The following SFXN5 variants were observed in gnomAD, a reference collection of about 807,000 sequenced individuals.
SFXN5 encodes the protein sideroflexin-5.
SFXN5 carries 43 observed loss-of-function variants against 50.2 expected under a neutral mutation model. That is an observed-to-expected ratio of 0.86 (90% CI 0.67 to 1.11). SFXN5 has a LOEUF of 1.11. Ranked by LOEUF, SFXN5 falls within the 50% of genes least tolerant of loss-of-function variation. The pLI, the probability that SFXN5 is intolerant of heterozygous loss-of-function variation, is 0.00. For synonymous variants in SFXN5, 203 were observed against 185.8 expected, an observed-to-expected ratio of 1.09 and a Z score of -0.75; for missense variants, 463 against 454.1, an observed-to-expected ratio of 1.02 and a Z score of -0.18.
chr2:73,029,939 G>A lies in SFXN5; in HGVS notation c.250-6725C>T, dbSNP rs113646589. Among the ~76,000 whole-genome samples the A allele has an allele frequency of 1.9e-3, 293 of 152,152 alleles. 2 individuals are homozygous for A. The highest frequency in any genetic ancestry group is 5.5e-3 in the African/African-American group (229 of 41,518). On this transcript the variant is annotated intron_variant, in intron 3 of 13. Transcript: ENST00000272433. ...ATACAAAAATTAGCCAGGCGCAGTG[G>A]TGCACACCTGTAGTCCCAGCTACTT...
Position 73,020,821 on chromosome 2 carries a change from G to C in SFXN5, c.332-557C>G, listed in dbSNP as rs563314364. ...CCCCAGTGGCGCAGTAGGGAGCTGG[G>C]GTGAAGCGCAGCCAGGCTGTGAGTA... is the stretch of plus-strand genomic sequence containing the variant. On this transcript the variant is annotated intron_variant, in intron 5 of 13. Transcript: ENST00000272433. The C allele has an allele frequency of 8.5e-5, 13 of 152,514 alleles. No homozygotes were observed. The East Asian group carries it at 2.5e-3, about 29-fold the overall frequency. 9.4% of individuals were successfully genotyped at this position (152,514 alleles called of 1,614,324 possible).
intron 13 of SFXN5, among the ~76,000 whole-genome samples, chr2:72,951,938 AG>A (rs1297369175): frequency 6.6e-6 from 1 of 152,210 alleles, no homozygotes; most frequent in Non-Finnish European, 1.5e-5. Flanking sequence ...CTTTCTCACC[AG>A]GGCTGGGCAG....
intron 9 of SFXN5, among the ~76,000 whole-genome samples, chr2:72,988,837 C>G (rs1672230933): frequency 6.6e-6 from 1 of 152,098 alleles, no homozygotes; most frequent in African/African-American, 2.4e-5. Flanking sequence ...AGGGAGACCC[C>G]GACACCTGCC....
rs1342992690 is a variant in SFXN5 at position 72,942,860 on chromosome 2, A to C, written c.*2162T>G. 2.1e-5 allele frequency: 3 copies of C among 139,740 alleles called. No homozygotes were observed. Among genetic ancestry groups the C allele is most frequent in the African/African-American group, 2.6e-5 (1 of 38,372 alleles). The allele number at this position is 139,740 out of a possible 1,614,324, so 8.7% of individuals were successfully genotyped here. ...GGCCTCTGGCAGGGGGAGGGCGGGA[A>C]GGGGTGGGTAGGCAGTTTTGGTCCC... On this transcript the variant is annotated 3_prime_UTR_variant, in exon 14 of 14. Coordinates refer to ENST00000272433, the MANE Select transcript of SFXN5 (RefSeq NM_144579.3).
At chr2:73,060,402 C>A (rs538243203) in intron 1 of SFXN5, among the ~76,000 whole-genome samples, 1 of 152,114 alleles carries the variant, frequency 6.6e-6, no homozygotes, top group South Asian at 2.1e-4. Context: ...ACAACACAAA[C>A]CCACACTGAC....
At chr2:72,977,113 C>T (rs1389144521) in intron 10 of SFXN5, among the ~76,000 whole-genome samples, 1 of 152,204 alleles carries the variant, frequency 6.6e-6, no homozygotes, top group Non-Finnish European at 1.5e-5. Context: ...GAGAGGCAGG[C>T]AGAGCCTCTT....
At chr2:73,042,983 A>G (rs1679843043) in intron 2 of SFXN5, among the ~76,000 whole-genome samples, 1 of 151,674 alleles carries the variant, frequency 6.6e-6, no homozygotes, top group Non-Finnish European at 1.5e-5. Flanking sequence ...CACGAGGGTC[A>G]TTTGAACCTG....
intron 11 of SFXN5, among the ~76,000 whole-genome samples, chr2:72,970,337 G>C (rs1675001614): frequency 1.3e-5 from 2 of 152,218 alleles, no homozygotes; most frequent in Non-Finnish European, 2.9e-5. Flanking sequence ...AATGACAGGA[G>C]GGTCCAGTGC....
chr2:73,058,551 G>T lies in SFXN5; in HGVS notation c.148C>A (p.Pro50Thr). The T allele has an allele frequency of 6.2e-7, 1 of 1,614,084 alleles. No individual in the cohort carries two copies. Among genetic ancestry groups the T allele is most frequent in the Non-Finnish European group, 8.5e-7 (1 of 1,180,000 alleles). Residue 50 changes from proline (P) to threonine (T), a missense_variant, in exon 2 of 14, where the codon CCT (proline) becomes ACT (threonine). Physicochemically the swap from Pro to Thr is conservative, Grantham distance 38. Coordinates refer to ENST00000272433, the MANE Select transcript of SFXN5 (RefSeq NM_144579.3). ...RFRHFLDIID[P>T]RTLFVTERRL... ...ACCTCAGTGACAAAGAGTGTGCGAG[G>T]GTCGATGATATCCAAGAAGTGCCTG...
Position 72,961,160 on chromosome 2 carries a change from C to T in SFXN5, c.916G>A (p.Ala306Thr). ...GACATTTGCGGGAAGAGGCTGATGG[C>T]CAGCGGCAGGGCCAGGCCGAAGGCT... ...LAAFGLALPL[A>T]ISLFPQMSEI... Residue 306 changes from alanine (A) to threonine (T), a missense_variant, in exon 13 of 14, where the codon GCC becomes ACC. Physicochemically the swap from Ala to Thr is moderately conservative, Grantham distance 58. Coordinates refer to ENST00000272433, the MANE Select transcript of SFXN5 (RefSeq NM_144579.3). This position sits in a 1 kb window ranked among gnomAD's most constrained non-coding sequence, Gnocchi z 4.4. 6.3e-7 allele frequency: 1 copy of T among 1,583,060 alleles called. No homozygotes were observed.
At chr2:73,015,992 G>A (rs555661354) in intron 6 of SFXN5, among the ~76,000 whole-genome samples, 2 of 150,750 alleles carry the variant, frequency 1.3e-5, no homozygotes, top group African/African-American at 2.4e-5. Context: ...GGCAGTTTTG[G>A]TAAGCTGTAT....
chr2:73,057,596 G>A (rs1279816004), intron 2 of SFXN5, among the ~76,000 whole-genome samples: 3 of 152,174 alleles, frequency 2.0e-5, no homozygotes, highest in African/African-American at 7.2e-5. Flanking sequence ...TTATAAAGAG[G>A]TATGAGAGAA....
chr2:73,041,734 A>AT (rs1679677520), intron 2 of SFXN5: 1 of 311,490 alleles, frequency 3.2e-6, no homozygotes, highest in Non-Finnish European at 6.7e-6. Context: ...ACAACGTCTT[A>AT]TTTTGTCACC....
At chr2:73,036,912 G>A (rs866860369) in intron 3 of SFXN5, among the ~76,000 whole-genome samples, 5 of 152,192 alleles carry the variant, frequency 3.3e-5, no homozygotes, top group African/African-American at 7.2e-5. Context: ...CTGCCCTCCC[G>A]GCTGACGGCT....
chr2:72,948,853 T>C (rs576950812), intron 13 of SFXN5, among the ~76,000 whole-genome samples: 1 of 152,276 alleles, frequency 6.6e-6, no homozygotes, highest in Admixed American at 6.5e-5. Flanking sequence ...TCAGCAGATG[T>C]TGATGGTCAC....
chr2:73,071,599 C>T lies in SFXN5; in HGVS notation c.102+5G>A. 12 of 1,613,360 alleles carry T rather than the reference C, an allele frequency of 7.4e-6. No individual in the cohort carries two copies. Among genetic ancestry groups the T allele is most frequent in the Non-Finnish European group, 9.3e-6 (11 of 1,179,686 alleles). On this transcript the variant is annotated splice_donor_5th_base_variant and intron_variant, in intron 1 of 13. Coordinates refer to ENST00000272433, the MANE Select transcript of SFXN5 (RefSeq NM_144579.3). Reference sequence around the variant, plus strand: ...CCGGCCCGCAGACCACAGCCCGGTCCTCACCTGCTGGAAGCGGGGTTTGCC... The same window carrying T: ...CCGGCCCGCAGACCACAGCCCGGTCTTCACCTGCTGGAAGCGGGGTTTGCC...
At position 72,953,868 on chromosome 2, in the gene SFXN5, C is replaced by A. The variant is rs1223632117; in HGVS notation, c.945+7263G>T. Among the ~76,000 whole-genome samples the A allele has an allele frequency of 2.0e-5, 3 of 152,178 alleles. No individual in the cohort carries two copies. The highest frequency in any genetic ancestry group is 4.4e-5 in the Non-Finnish European group (3 of 68,022). ...CTTCTGGTGGCTCACAGCTGTTTAG[C>A]CAGGCTGGTTCATCAAAACCACCAT... On this transcript the variant is annotated intron_variant, in intron 13 of 13. Coordinates refer to ENST00000272433, the MANE Select transcript of SFXN5 (RefSeq NM_144579.3). The surrounding 1 kb of genome is among the most constrained non-coding windows in gnomAD (Gnocchi z 4.1).
chr2:73,036,991 T>C (rs1284769979), intron 3 of SFXN5, among the ~76,000 whole-genome samples: 2 of 152,202 alleles, frequency 1.3e-5, no homozygotes, highest in Non-Finnish European at 2.9e-5. Context: ...TGCGGGTCTG[T>C]CACTCTCCCA....
chr2:73,058,721 T>C (rs1279207611), intron 1 of SFXN5, 125 bp from the exon 2 acceptor site: 2 of 809,648 alleles, frequency 2.5e-6, no homozygotes, highest in East Asian at 5.4e-5. Flanking sequence ...GTGTGGGTGA[T>C]AAATGCCAAT....
Sources: gnomAD v4.1 joint callset for allele counts (sites outside exome capture counted in the v4.1 genomes callset) on GRCh38, gnomAD v4.1.1 for gene constraint, Gnocchi (gnomAD v3.1) non-coding constraint, MANE v1.5 for transcripts, NCBI Gene and HGNC (gene_info 2026-07-23, HGNC 2026-07-21) for gene names.